PRAMEF2: variants seen among roughly 807,000 people sequenced by gnomAD.
PRAMEF2 encodes PRAME family member 2.
A neutral mutation model predicts 38.0 loss-of-function variants in PRAMEF2; 35 were observed. The observed-to-expected ratio is 0.92, with a 90% CI of 0.70 to 1.22. PRAMEF2 has a LOEUF of 1.22. Ranked by LOEUF, PRAMEF2 falls within the 50% of genes most tolerant of loss-of-function variation. The pLI is 0.00. For synonymous variants in PRAMEF2, 240 were observed against 232.4 expected (o/e 1.03, Z -0.30); for missense variants, 562 against 553.9 (o/e 1.01, Z -0.15).
At chr1:12,859,567 T>C (rs74056157) in intron 2 of PRAMEF2, 126 bp from the exon 3 acceptor site, 24 of 1,506,576 alleles carry the variant, frequency 1.6e-5, no homozygotes, top group East Asian at 1.3e-4. Flanking sequence ...GAAAAGGGAT[T>C]GAGAAAAGAC....
At chr1:12,860,618 T>C (rs949890992) in intron 3 of PRAMEF2, among the ~76,000 whole-genome samples, 1 of 149,906 alleles carries the variant, frequency 6.7e-6, no homozygotes, top group Non-Finnish European at 1.5e-5. Context: ...GAGGAGGGTA[T>C]GAAAGGAGGG....
rs146499155 is a variant in PRAMEF2 at position 12,859,467 on chromosome 1, C to T, written c.287+171C>T. 4.8e-4 allele frequency among the ~76,000 whole-genome samples: 73 copies of T among 151,008 alleles called. 3 individuals carry two copies. The highest frequency in any genetic ancestry group is 1.8e-3 in the African/African-American group (72 of 41,126). ...AGATCCTCAGAGAAAGGACTGCTCA[C>T]CATACAGGGTCCACTGTGGGAACAG... On this transcript the variant is annotated intron_variant, in intron 2 of 3. Coordinates refer to ENST00000240189, the MANE Select transcript of PRAMEF2 (RefSeq NM_023014.1).
In PRAMEF2 at chr1:12,861,400, C is replaced by G. The variant is rs200309599; in HGVS notation, c.1046C>G (p.Ala349Gly). The change falls in exon 4 of 4, where the codon GCC (alanine) becomes GGC (glycine). Residue 349 changes from alanine to glycine, a missense_variant. This residue lies in a region of PRAMEF2 where 486 missense variants were observed against 444.2 expected (regional missense o/e 1.09). Coordinates refer to ENST00000240189, the MANE Select transcript of PRAMEF2 (RefSeq NM_023014.1). ...GGAGCTCTGCTAGAGAAAATTGCTG[C>G]CTCTCTCGAGACCCTCGTGTTAGAG... ...PLGALLEKIAASLETLVLEGC... is the reference protein window; with the variant it reads ...PLGALLEKIAGSLETLVLEGC... 6.2e-7 allele frequency: 1 copy of G among 1,602,386 alleles called. No homozygotes were observed. Among genetic ancestry groups the G allele is most frequent in the Admixed American group, 1.7e-5 (1 of 57,834 alleles).
At position 12,859,720 on chromosome 1, in the gene PRAMEF2, G is replaced by GC. The variant is rs1288874585; in HGVS notation, c.316dup (p.Arg106ProfsTer4). The GC allele has an allele frequency of 6.2e-7, 1 of 1,606,684 alleles. No individual in the cohort carries two copies. The highest frequency in any genetic ancestry group is 1.1e-5 in the South Asian group (1 of 90,808). On this transcript the variant is annotated frameshift_variant, in exon 3 of 4. Coordinates refer to ENST00000240189, the MANE Select transcript of PRAMEF2 (RefSeq NM_023014.1). LOFTEE classifies it high-confidence loss of function. ...GGTGGAAACTTCAAGTGCTGGATTT[G>GC]CGGGATGTTGATGAGAATTTCTGGG...
At position 12,859,029 on chromosome 1, in the gene PRAMEF2, C is replaced by A; in HGVS notation, c.20C>A (p.Pro7Gln). ...ATCAGGATGAGCATCCAGGCCCCAC[C>A]GAGACTACTGGAGCTGGCGGGGCAG... Reference protein sequence around the residue: MSIQAPPRLLELAGQSL... With the variant: MSIQAPQRLLELAGQSL... Residue 7 changes from proline to glutamine, a missense_variant, in exon 2 of 4, where the codon CCG (proline) becomes CAG (glutamine). This residue lies in a region of PRAMEF2 where 486 missense variants were observed against 444.2 expected (regional missense o/e 1.09). Coordinates refer to ENST00000240189, the MANE Select transcript of PRAMEF2 (RefSeq NM_023014.1). 6.2e-7 allele frequency: 1 copy of A among 1,603,784 alleles called. No homozygotes were observed. Among genetic ancestry groups the A allele is most frequent in the South Asian group, 1.1e-5 (1 of 90,394 alleles).
chr1:12,858,583 C>T (rs1398556053), intron 1 of PRAMEF2, among the ~76,000 whole-genome samples: 1 of 149,738 alleles, frequency 6.7e-6, no homozygotes, highest in Admixed American at 6.9e-5. Context: ...CCAGCATGTT[C>T]ATGGTGTGAA....
Position 12,861,494 on chromosome 1 carries a change from C to G in PRAMEF2, c.1140C>G (p.Thr380=). The change falls in exon 4 of 4, where the codon ACC becomes ACG. Residue 380 remains threonine (T), a synonymous_variant. Coordinates refer to ENST00000240189, the MANE Select transcript of PRAMEF2 (RefSeq NM_023014.1). The part of the protein sequence containing the change: ...LPGLSCCSQL[T]TFYFGSNCMS... ...GCCTGAGCTGCTGCTCCCAGCTCAC[C>G]ACCTTCTACTTTGGCAGCAATTGCA... The G allele has an allele frequency of 6.2e-7, 1 of 1,606,244 alleles. No individual in the cohort carries two copies. Among genetic ancestry groups the G allele is most frequent in the Non-Finnish European group, 8.5e-7 (1 of 1,177,490 alleles).
rs1426188894 is a variant in PRAMEF2 at position 12,859,374 on chromosome 1, C to T, written c.287+78C>T. ...ACAGCAGGGTCAGGCAGAGAAGTAA[C>T]CCAAGTGCGGCCCAGAGTCTTCTGA... On this transcript the variant is annotated intron_variant, in intron 2 of 3. Transcript: ENST00000240189. 379 of 1,601,320 alleles carry T rather than the reference C, an allele frequency of 2.4e-4. 1 individual carries two copies. Among genetic ancestry groups the T allele is most frequent in the Non-Finnish European group, 3.4e-5 (40 of 1,174,290 alleles).
rs569837097 is a variant in PRAMEF2, at chr1:12,861,681, G to A, written c.1327G>A (p.Glu443Lys). 528 of 1,557,836 alleles carry A rather than the reference G, an allele frequency of 3.4e-4. 25 individuals carry two copies. The South Asian group carries it at 5.4e-3, about 16-fold the overall frequency. Reference protein sequence around the residue: ...LRAELMCTLREFRQPKRIFIG... With the variant: ...LRAELMCTLRKFRQPKRIFIG... ...GGCTGAGCTGATGTGTACACTGAGG[G>A]AATTCAGGCAGCCCAAGAGGATCTT... The change falls in exon 4 of 4, where the codon GAA becomes AAA. Residue 443 changes from glutamate to lysine, a missense_variant. Glu to Lys is a moderately conservative substitution (Grantham distance 56). This residue lies in a region of PRAMEF2 where 76 missense variants were observed against 109.6 expected (regional missense o/e 0.69). Coordinates refer to ENST00000240189, the MANE Select transcript of PRAMEF2 (RefSeq NM_023014.1).
In PRAMEF2 at chr1:12,859,747, C is replaced by A. The variant is rs766053170; in HGVS notation, c.342C>A (p.Ala114=). 2.2e-5 allele frequency: 35 copies of A among 1,606,114 alleles called. 1 individual carries two copies. In the East Asian group the frequency reaches 7.8e-4, roughly 36 times the overall value. The change falls in exon 3 of 4, where the codon GCC becomes GCA. Residue 114 remains alanine (A), a synonymous_variant. Coordinates refer to ENST00000240189, the MANE Select transcript of PRAMEF2 (RefSeq NM_023014.1). ...DLRDVDENFW[A]RWPGAWALSC... ...GGGATGTTGATGAGAATTTCTGGGCCAGATGGCCTGGAGCCTGGGCCCTGT... is the reference window on the plus strand; with the variant it reads ...GGGATGTTGATGAGAATTTCTGGGCAAGATGGCCTGGAGCCTGGGCCCTGT...
chr1:12,860,593 G>A (rs991792456), intron 3 of PRAMEF2, among the ~76,000 whole-genome samples: 1 of 150,014 alleles, frequency 6.7e-6, no homozygotes, highest in Non-Finnish European at 1.5e-5. Flanking sequence ...TTGATATGAT[G>A]TCAAAGAGAT....
intron 3 of PRAMEF2, 119 bp downstream of exon 3, chr1:12,860,390 C>A: frequency 6.6e-7 from 1 of 1,520,408 alleles, no homozygotes; most frequent in Admixed American, 2.0e-5. Flanking sequence ...GAAGGGAACA[C>A]CAGAATGTCA....
Position 12,858,941 on chromosome 1 carries a change from G to C in PRAMEF2, c.-25-44G>C. Reference sequence around the variant, plus strand: ...TCCTAGGAGAAGATGAGGTGATTGTGTTTGCCCTGAGAGTGATACATTCTC... The same window carrying C: ...TCCTAGGAGAAGATGAGGTGATTGTCTTTGCCCTGAGAGTGATACATTCTC... On this transcript the variant is annotated intron_variant, in intron 1 of 3. Coordinates refer to ENST00000240189, the MANE Select transcript of PRAMEF2 (RefSeq NM_023014.1). 1.9e-6 allele frequency: 3 copies of C among 1,554,934 alleles called. 1 individual carries two copies. The highest frequency in any genetic ancestry group is 2.4e-4 in the Middle Eastern group (1 of 4,142).
At chr1:12,860,984 T>C (rs1395262015) in intron 3 of PRAMEF2, among the ~76,000 whole-genome samples, 2 of 148,688 alleles carry the variant, frequency 1.3e-5, no homozygotes, top group African/African-American at 5.0e-5. Context: ...AAAAAGGCTT[T>C]AGAGATTTTA....
In PRAMEF2 at chr1:12,860,118, T is replaced by C; in HGVS notation, c.713T>C (p.Val238Ala). The change falls in exon 3 of 4, where the codon GTT becomes GCT. Residue 238 changes from valine (V) to alanine (A), a missense_variant. By Grantham distance (64) the Val-to-Ala change is moderately conservative. Transcript: ENST00000240189. ...LKEMKTLCKL[V>A]FSRCHHYTSD... Reference sequence around the variant, plus strand: ...GAGATGAAGACTCTTTGCAAACTCGTTTTCTCCAGGTGCCATCATTACACG... The same window carrying C: ...GAGATGAAGACTCTTTGCAAACTCGCTTTCTCCAGGTGCCATCATTACACG... 6.2e-7 allele frequency: 1 copy of C among 1,606,632 alleles called. No individual in the cohort carries two copies. Among genetic ancestry groups the C allele is most frequent in the Non-Finnish European group, 8.5e-7 (1 of 1,176,472 alleles).
rs1216848869 is a variant in PRAMEF2, at chr1:12,857,343, A to AT, written c.-26+200dup. Among the ~76,000 whole-genome samples the AT allele has an allele frequency of 2.0e-5, 3 of 149,692 alleles. 1 individual carries two copies. The highest frequency in any genetic ancestry group is 1.4e-4 in the Admixed American group (2 of 14,552). Reference sequence around the variant, plus strand: ...TTGTGATTTGTGCTTGGTTTTTGTCATTTTAAAATTCTTATGGAAGCAGGT... The same window carrying AT: ...TTGTGATTTGTGCTTGGTTTTTGTCATTTTTAAAATTCTTATGGAAGCAGGT... On this transcript the variant is annotated intron_variant, in intron 1 of 3. Coordinates refer to ENST00000240189, the MANE Select transcript of PRAMEF2 (RefSeq NM_023014.1).
At position 12,859,226 on chromosome 1, in the gene PRAMEF2, C is replaced by T. The variant is rs45443899; in HGVS notation, c.217C>T (p.Leu73Phe). The change falls in exon 2 of 4, where the codon CTT (leucine) becomes TTT (phenylalanine). Residue 73 changes from leucine (L) to phenylalanine (F), a missense_variant. Transcript: ENST00000240189. ...CLPLVSLMKTLHLEPLKALLE... is the reference protein window; with the variant it reads ...CLPLVSLMKTFHLEPLKALLE... ...CCCTCTGGTATCGCTGATGAAGACG[C>T]TTCATCTGGAGCCATTGAAAGCATT... 0.11 allele frequency: 182,475 copies of T among 1,609,884 alleles called. 16,021 individuals are homozygous for T. Among genetic ancestry groups the T allele is most frequent in the African/African-American group, 0.25 (18,283 of 74,370 alleles).
In PRAMEF2 at chr1:12,859,056, G is replaced by C. The variant is rs144331118; in HGVS notation, c.47G>C (p.Ser16Thr). Residue 16 changes from serine to threonine, a missense_variant, in exon 2 of 4, where the codon AGC becomes ACC. Ser to Thr is a moderately conservative substitution (Grantham distance 58, BLOSUM62 1). This residue lies in a region of PRAMEF2 where 486 missense variants were observed against 444.2 expected (regional missense o/e 1.09). Coordinates refer to ENST00000240189, the MANE Select transcript of PRAMEF2 (RefSeq NM_023014.1). The part of the protein sequence containing the change: ...PPRLLELAGQ[S>T]LLRDQALSIS... ...AGACTACTGGAGCTGGCGGGGCAGA[G>C]CCTGCTGAGAGACCAGGCCTTGTCC... The C allele has an allele frequency of 5.1e-5, 82 of 1,604,010 alleles. No homozygotes were observed. The African/African-American group carries it at 1.0e-3, about 20-fold the overall frequency.
Position 12,861,387 on chromosome 1 carries a change from G to A in PRAMEF2, c.1033G>A (p.Glu345Lys). The A allele has an allele frequency of 6.2e-7, 1 of 1,604,406 alleles. No homozygotes were observed. The highest frequency in any genetic ancestry group is 2.2e-5 in the East Asian group (1 of 44,504). The part of the protein sequence containing the change: ...ISLEPLGALL[E>K]KIAASLETLV... ...TCTTGAACCCCTAGGAGCTCTGCTAGAGAAAATTGCTGCCTCTCTCGAGAC... is the reference window on the plus strand; with the variant it reads ...TCTTGAACCCCTAGGAGCTCTGCTAAAGAAAATTGCTGCCTCTCTCGAGAC... The change falls in exon 4 of 4, where the codon GAG becomes AAG. Residue 345 changes from glutamate to lysine, a missense_variant. By Grantham distance (56) the Glu-to-Lys change is moderately conservative. Around this residue, in one of 2 missense-constraint regions of PRAMEF2, gnomAD observed 486 missense variants for 444.2 expected, o/e 1.09. Transcript: ENST00000240189.
Sources: gnomAD v4.1 joint callset for allele counts (sites outside exome capture counted in the v4.1 genomes callset) on GRCh38, gnomAD v4.1.1 for gene constraint, gnomAD v4.1.1 regional missense constraint, MANE v1.5 for transcripts, NCBI Gene and HGNC (gene_info 2026-07-23, HGNC 2026-07-21) for gene names.